CPT1A: variants seen among roughly 807,000 people sequenced by gnomAD.
CPT1A encodes carnitine O-palmitoyltransferase 1, liver isoform.
Under a neutral mutation model 100.8 loss-of-function variants are expected in CPT1A, and 64 were observed. That is an observed-to-expected ratio of 0.63 (90% CI 0.52 to 0.78). The LOEUF is 0.78. Ranked by LOEUF, CPT1A falls within the 30% of genes least tolerant of loss-of-function variation. The pLI, the probability that CPT1A is intolerant of heterozygous loss-of-function variation, is 0.00. For synonymous variants in CPT1A, 363 were observed against 396.0 expected, an observed-to-expected ratio of 0.92 and a Z score of 0.99; for missense variants, 802 against 1,034.1, an observed-to-expected ratio of 0.78 and a Z score of 3.08.
intron 1 of CPT1A, among the ~76,000 whole-genome samples, chr11:68,819,472 G>A (rs114582718): frequency 0.022 from 3,352 of 152,276 alleles, 130 homozygotes; most frequent in African/African-American, 0.076. Context: ...AGCATGCACC[G>A]TGGCAAATAA....
intron 6 of CPT1A, among the ~76,000 whole-genome samples, chr11:68,798,816 C>T (rs1165495506): frequency 6.6e-6 from 1 of 152,184 alleles, no homozygotes; most frequent in Non-Finnish European, 1.5e-5. Context: ...AGGGAGAAGC[C>T]TCCTGCGTGC....
At chr11:68,776,161 G>T (rs1160555690) in intron 12 of CPT1A, among the ~76,000 whole-genome samples, 1 of 152,258 alleles carries the variant, frequency 6.6e-6, no homozygotes, top group Non-Finnish European at 1.5e-5. Flanking sequence ...CACTTTGGGA[G>T]GCCAAGGTGG....
chr11:68,818,779 G>A (rs1291798094), intron 1 of CPT1A: 1 of 152,236 alleles, frequency 6.6e-6, no homozygotes, highest in African/African-American at 2.4e-5. Context: ...GATCCCTTGA[G>A]CTCAGGAGGT....
chr11:68,771,805 T>G (rs555139846), intron 14 of CPT1A, among the ~76,000 whole-genome samples: 4 of 152,366 alleles, frequency 2.6e-5, no homozygotes, highest in Non-Finnish European at 5.9e-5. Flanking sequence ...GCTTTATCCC[T>G]GCCTAGTGCC....
intron 2 of CPT1A, among the ~76,000 whole-genome samples, chr11:68,813,192 A>G (rs1856268021): frequency 6.6e-6 from 1 of 152,010 alleles, no homozygotes; most frequent in Admixed American, 6.6e-5. Flanking sequence ...TTCTTCCTAA[A>G]CCATCCTAAT....
At chr11:68,760,709 A>T (rs572123896) in intron 16 of CPT1A, among the ~76,000 whole-genome samples, 1 of 152,306 alleles carries the variant, frequency 6.6e-6, no homozygotes, top group South Asian at 2.1e-4. Context: ...TATTAAATAC[A>T]GCCACTATTA....
intron 7 of CPT1A, 85 bp downstream of exon 7, chr11:68,796,771 A>C: frequency 5.4e-6 from 7 of 1,298,250 alleles, no homozygotes; most frequent in Non-Finnish European, 7.7e-6. Context: ...CAGGCCGTCC[A>C]CAGGCCTGTG....
At chr11:68,796,991 CT>C in intron 6 of CPT1A, 58 bp from the exon 7 acceptor site, 2 of 1,571,796 alleles carry the variant, frequency 1.3e-6, no homozygotes, top group Non-Finnish European at 1.7e-6. Flanking sequence ...GGCAGGCTCC[CT>C]GGCAGCAGCC....
intron 1 of CPT1A, among the ~76,000 whole-genome samples, chr11:68,820,772 C>T (rs147302449): frequency 3.9e-4 from 59 of 152,210 alleles, no homozygotes; most frequent in African/African-American, 1.3e-3. Flanking sequence ...CTTCCAGGGA[C>T]GTGAATCACC....
chr11:68,795,108 A>T (rs886953329), intron 7 of CPT1A, among the ~76,000 whole-genome samples, 197 bp from the exon 8 acceptor site: 1 of 152,238 alleles, frequency 6.6e-6, no homozygotes, highest in African/African-American at 2.4e-5. Flanking sequence ...GTTTTATGAG[A>T]ACATAAGTCC....
intron 14 of CPT1A, among the ~76,000 whole-genome samples, chr11:68,771,380 C>T (rs183677007): frequency 1.5e-4 from 23 of 152,320 alleles, no homozygotes; most frequent in Non-Finnish European, 2.4e-4. Context: ...AAATAACATC[C>T]TTTCTGTAGG....
chr11:68,814,451 C>T (rs1432045715), intron 2 of CPT1A, among the ~76,000 whole-genome samples: 2 of 151,088 alleles, frequency 1.3e-5, no homozygotes. Flanking sequence ...GGACTGCAGG[C>T]GCCCGCCACC....
rs1028051892 is a variant in CPT1A, at chr11:68,760,665, A to G, written c.2029-327T>C. Among the ~76,000 whole-genome samples, 4 of 152,244 alleles carry G rather than the reference A, an allele frequency of 2.6e-5. No homozygotes were observed. The South Asian group carries it at 8.3e-4, about 31-fold the overall frequency. On this transcript the variant is annotated intron_variant, in intron 16 of 18. Coordinates refer to ENST00000265641, the MANE Select transcript of CPT1A (RefSeq NM_001876.4). ...AGACTTGTACCAACTCCCACGAGCC[A>G]GCTGCCATATTTTCAGAGAATTTTC...
At chr11:68,785,563 GAA>G (rs377721687) in intron 9 of CPT1A, among the ~76,000 whole-genome samples, 4 of 51,086 alleles carry the variant, frequency 7.8e-5, no homozygotes, top group African/African-American at 1.6e-4. Context: ...TCCATCTCAG[GAA>G]AAAAAAAAAA....
chr11:68,837,682 G>C (rs1857043411), intron 1 of CPT1A, among the ~76,000 whole-genome samples: 1 of 152,118 alleles, frequency 6.6e-6, no homozygotes, highest in Non-Finnish European at 1.5e-5. Flanking sequence ...AGTGGAAAAA[G>C]GGTGCTTCGG....
upstream of CPT1A, chr11:68,841,923 G>C (rs537285789): frequency 6.8e-4 from 669 of 984,788 alleles, 11 homozygotes; most frequent in South Asian, 0.02. This position sits in a 1 kb window ranked among gnomAD's most constrained non-coding sequence, Gnocchi z 6.3. Context: ...GATTGGCTGA[G>C]GCGGGTCCGG....
intron 12 of CPT1A, among the ~76,000 whole-genome samples, chr11:68,779,909 G>C (rs1382591241): frequency 1.3e-5 from 2 of 152,076 alleles, no homozygotes; most frequent in African/African-American, 4.8e-5. Context: ...GATGTCTTAG[G>C]TAAAAGACAC....
Position 68,835,329 on chromosome 11 carries a change from G to A in CPT1A, c.-14+6446C>T, listed in dbSNP as rs534555537. Reference sequence around the variant, plus strand: ...AAAGGACATCCTAAACCTCCTCTTCGTACCAGTATATTGTTCCCACAAATG... The same window carrying A: ...AAAGGACATCCTAAACCTCCTCTTCATACCAGTATATTGTTCCCACAAATG... On this transcript the variant is annotated intron_variant, in intron 1 of 18. Coordinates refer to ENST00000265641, the MANE Select transcript of CPT1A (RefSeq NM_001876.4). Among the ~76,000 whole-genome samples the A allele has an allele frequency of 7.9e-5, 12 of 152,258 alleles. No individual in the cohort carries two copies. In the South Asian group the frequency reaches 8.3e-4, roughly 11 times the overall value.
intron 1 of CPT1A, among the ~76,000 whole-genome samples, chr11:68,832,745 G>C (rs558079399): frequency 6.6e-6 from 1 of 152,356 alleles, no homozygotes; most frequent in African/African-American, 2.4e-5. Context: ...AGCAGGCTCT[G>C]CTTTCTATTC....
Sources: gnomAD v4.1 joint callset for allele counts (sites outside exome capture counted in the v4.1 genomes callset) on GRCh38, gnomAD v4.1.1 for gene constraint, Gnocchi (gnomAD v3.1) non-coding constraint, MANE v1.5 for transcripts, NCBI Gene and HGNC (gene_info 2026-07-23, HGNC 2026-07-21) for gene names.